Variants in NAALADL2 observed in about 807,000 individuals in gnomAD.
NAALADL2 encodes the protein N-acetylated alpha-linked acidic dipeptidase like 2.
In NAALADL2, 76 loss-of-function variants were observed where a neutral mutation model predicts 87.2. The observed-to-expected ratio is 0.87, with a 90% CI of 0.72 to 1.05. The LOEUF is 1.05. Among genes scored for constraint, NAALADL2 ranks in the 50% least tolerant of loss-of-function variants. NAALADL2 has a pLI of 0.00. For synonymous variants in NAALADL2, 354 were observed against 331.0 expected, an observed-to-expected ratio of 1.07 and a Z score of -0.75; for missense variants, 1,089 against 945.8, an observed-to-expected ratio of 1.15 and a Z score of -1.99.
chr3:175,058,761 C>T (rs74601565), intron 1 of NAALADL2, among the ~76,000 whole-genome samples: 1,970 of 152,296 alleles, frequency 0.013, 23 homozygotes, highest in Non-Finnish European at 0.019. Flanking sequence ...TGAATCTACC[C>T]AGATTGTTAA....
At chr3:174,582,144 A>T (rs1286978225) in intron 2 of NAALADL2, among the ~76,000 whole-genome samples, 2 of 152,308 alleles carry the variant, frequency 1.3e-5, no homozygotes, top group African/African-American at 4.8e-5. Flanking sequence ...TGTATAAAAG[A>T]TTATCCTTTG....
chr3:175,344,039 C>T (rs763980252), intron 5 of NAALADL2, among the ~76,000 whole-genome samples: 3 of 152,068 alleles, frequency 2.0e-5, no homozygotes, highest in Non-Finnish European at 4.4e-5. Context: ...TGAAAAAATA[C>T]TGGTTTAATA....
intron 3 of NAALADL2, among the ~76,000 whole-genome samples, chr3:174,760,477 G>A (rs1712781247): frequency 6.6e-6 from 1 of 152,192 alleles, no homozygotes; most frequent in South Asian, 2.1e-4. Context: ...AATAGGGACT[G>A]TGGACAGTCC....
chr3:175,536,854 C>A (rs140904519), intron 9 of NAALADL2, among the ~76,000 whole-genome samples: 1 of 152,056 alleles, frequency 6.6e-6, no homozygotes, highest in Non-Finnish European at 1.5e-5. Flanking sequence ...TGGTGGCGGG[C>A]GCCTGTAGTC....
chr3:175,608,809 T>C (rs1724153108), intron 10 of NAALADL2, among the ~76,000 whole-genome samples: 1 of 152,180 alleles, frequency 6.6e-6, no homozygotes. Context: ...CCGAGTGGTA[T>C]CATAATTGAA....
intron 4 of NAALADL2, 131 bp downstream of exon 4, chr3:175,256,661 A>C: frequency 1.4e-6 from 1 of 735,042 alleles, no homozygotes; most frequent in Non-Finnish European, 2.0e-6. Context: ...GAGAGGAAGA[A>C]AGAGAGGCAG....
In NAALADL2 at chr3:175,804,561, C is replaced by T. The variant is rs1231847765; in HGVS notation, c.*1358C>T. The T allele has an allele frequency of 6.6e-6, 1 of 151,676 alleles. No individual in the cohort carries two copies. The highest frequency in any genetic ancestry group is 1.5e-5 in the Non-Finnish European group (1 of 67,816). 9.4% of individuals were successfully genotyped at this position (151,676 alleles called of 1,614,324 possible). ...TTCCTATACTGGATAAAGCAATTCC[C>T]CTTAGGAAACATAGCCTCAGAGTAT... On this transcript the variant is annotated 3_prime_UTR_variant, in exon 14 of 14. Coordinates refer to ENST00000454872, the MANE Select transcript of NAALADL2 (RefSeq NM_207015.3).
chr3:174,500,668 T>G (rs1718822694), intron 1 of NAALADL2, among the ~76,000 whole-genome samples: 1 of 152,214 alleles, frequency 6.6e-6, no homozygotes, highest in African/African-American at 2.4e-5. Context: ...CTGAGAAATT[T>G]TATCGTGAAT....
chr3:175,603,071 A>G (rs1210084156), intron 10 of NAALADL2, among the ~76,000 whole-genome samples: 1 of 152,188 alleles, frequency 6.6e-6, no homozygotes, highest in African/African-American at 2.4e-5. Flanking sequence ...ACATACTTCA[A>G]TGCAGTAGCA....
chr3:175,708,066 C>T (rs1739984945), intron 11 of NAALADL2, among the ~76,000 whole-genome samples: 1 of 151,906 alleles, frequency 6.6e-6, no homozygotes, highest in South Asian at 2.1e-4. Flanking sequence ...TGGGTAAATT[C>T]CAGAAGTGAC....
chr3:174,604,590 G>C (rs1230202907), intron 2 of NAALADL2, among the ~76,000 whole-genome samples: 1 of 151,670 alleles, frequency 6.6e-6, no homozygotes, highest in East Asian at 1.9e-4. Flanking sequence ...GATAAGCAAG[G>C]GCTTATTCCT....
At chr3:174,887,077 C>T (rs1560325749) in intron 1 of NAALADL2, among the ~76,000 whole-genome samples, 1 of 152,278 alleles carries the variant, frequency 6.6e-6, no homozygotes, top group South Asian at 2.1e-4. Context: ...ATATAAGGAG[C>T]TTCCATCTTC....
chr3:174,593,252 A>G (rs1023204698), intron 2 of NAALADL2, among the ~76,000 whole-genome samples: 2 of 152,192 alleles, frequency 1.3e-5, no homozygotes, highest in Non-Finnish European at 2.9e-5. Flanking sequence ...TAACTCAAAT[A>G]TGGTATAGAT....
intron 1 of NAALADL2, among the ~76,000 whole-genome samples, chr3:174,953,628 A>G (rs929321551): frequency 1.2e-4 from 18 of 151,872 alleles, no homozygotes; most frequent in African/African-American, 4.1e-4. Flanking sequence ...ATATACACAG[A>G]TAGTTGATGC....
intron 9 of NAALADL2, among the ~76,000 whole-genome samples, chr3:175,482,457 G>T (rs1245172655): frequency 2.0e-5 from 3 of 151,900 alleles, no homozygotes; most frequent in Non-Finnish European, 4.4e-5. Flanking sequence ...TAATCTGTCA[G>T]TGTCTTTAAA....
In NAALADL2 at chr3:174,606,004, C is replaced by T. The variant is rs1230131524; in HGVS notation, c.-115+55367C>T. Among the ~76,000 whole-genome samples the T allele has an allele frequency of 7.2e-5, 11 of 152,144 alleles. 1 individual carries two copies. Among genetic ancestry groups the T allele is most frequent in the South Asian group, 2.1e-4 (1 of 4,830 alleles). On this transcript the variant is annotated intron_variant, in intron 2 of 3. Transcript: ENST00000434257. Reference sequence around the variant, plus strand: ...AGGAACGATCAGACAGCAGCATTTGCGGTTCATGAAAATCTGCTGTTCTGC... The same window carrying T: ...AGGAACGATCAGACAGCAGCATTTGTGGTTCATGAAAATCTGCTGTTCTGC...
At chr3:175,477,386 T>C (rs1023595393) in intron 9 of NAALADL2, among the ~76,000 whole-genome samples, 2 of 152,148 alleles carry the variant, frequency 1.3e-5, no homozygotes, top group East Asian at 3.8e-4. Flanking sequence ...AATGATGATA[T>C]TTAGCATATT....
At chr3:175,622,428 C>T (rs912579737) in intron 10 of NAALADL2, among the ~76,000 whole-genome samples, 2 of 152,004 alleles carry the variant, frequency 1.3e-5, no homozygotes, top group African/African-American at 2.4e-5. Flanking sequence ...TATTCAGTTT[C>T]GTTTCACAGG....
At chr3:175,631,878 C>A (rs969422154) in intron 11 of NAALADL2, among the ~76,000 whole-genome samples, 4 of 151,986 alleles carry the variant, frequency 2.6e-5, no homozygotes, top group Non-Finnish European at 5.9e-5. Context: ...TCTCCTAAAT[C>A]GTTATTAGCT....
Sources: gnomAD v4.1 joint callset for allele counts (sites outside exome capture counted in the v4.1 genomes callset) on GRCh38, gnomAD v4.1.1 for gene constraint, MANE v1.5 for transcripts, NCBI Gene and HGNC (gene_info 2026-07-23, HGNC 2026-07-21) for gene names.